CD99L2: variants seen among roughly 807,000 people sequenced by gnomAD.
CD99L2 encodes the protein CD99 molecule like 2.
Under a neutral mutation model 27.3 loss-of-function variants are expected in CD99L2, and 24 were observed. The observed-to-expected ratio is 0.88, with a 90% CI of 0.64 to 1.24. The LOEUF is 1.24. Ranked by LOEUF, CD99L2 falls within the 50% of genes most tolerant of loss-of-function variation. The pLI is 0.00. For missense variants in CD99L2, 255 were observed against 221.6 expected (o/e 1.15, Z -0.96); for synonymous variants, 97 against 87.9 (o/e 1.10, Z -0.58).
At chrX:150,794,518 G>A (rs782156012) in intron 6 of CD99L2, among the ~76,000 whole-genome samples, 10 of 112,255 alleles carry the variant, frequency 8.9e-5, no homozygotes, top group East Asian at 5.6e-4. Context: ...ATTTATGAAC[G>A]GGTAAAAGGT....
chrX:150,824,703 AAGAG>A (rs1557420876), intron 2 of CD99L2, among the ~76,000 whole-genome samples: 155 of 91,906 alleles, frequency 1.7e-3, no homozygotes, highest in African/African-American at 6.3e-3. Flanking sequence ...GAGGAAGAGG[AAGAG>A]GAAGAAGAAG....
At chrX:150,891,058 G>A (rs2047504981) in intron 1 of CD99L2, among the ~76,000 whole-genome samples, 1 of 112,824 alleles carries the variant, frequency 8.9e-6, no homozygotes, top group Admixed American at 9.4e-5. Context: ...ATTTTAAAAT[G>A]CTGAACTTAG....
intron 1 of CD99L2, among the ~76,000 whole-genome samples, chrX:150,869,179 T>G (rs1386381672): frequency 8.9e-6 from 1 of 111,902 alleles, no homozygotes; most frequent in Non-Finnish European, 1.9e-5. Flanking sequence ...CAAAGGAACC[T>G]CCTGGAAATC....
At chrX:150,863,464 A>T (rs2047010176) in intron 1 of CD99L2, among the ~76,000 whole-genome samples, 1 of 112,484 alleles carries the variant, frequency 8.9e-6, no homozygotes, top group African/African-American at 3.2e-5. Context: ...ACAAGAATTC[A>T]TTTGCCATCT....
At chrX:150,827,023 T>C (rs1280905487) in intron 2 of CD99L2, among the ~76,000 whole-genome samples, 1 of 111,543 alleles carries the variant, frequency 9.0e-6, no homozygotes, top group Non-Finnish European at 1.9e-5. Context: ...TTAGGTACTG[T>C]ATGTCTCCTT....
chrX:150,787,356 G>A (rs2045610187), intron 7 of CD99L2, among the ~76,000 whole-genome samples: 1 of 111,178 alleles, frequency 9.0e-6, no homozygotes, highest in Non-Finnish European at 1.9e-5. Flanking sequence ...CATAGATTTG[G>A]GTTTTACATT....
rs1331634323 is a variant in CD99L2, at chrX:150,777,492, A to C, written c.497-10T>G. 2 of 1,208,694 alleles carry C rather than the reference A, an allele frequency of 1.7e-6. No homozygotes were observed. Among genetic ancestry groups the C allele is most frequent in the African/African-American group, 3.5e-5 (2 of 57,246 alleles). On this transcript the variant is annotated splice_polypyrimidine_tract_variant and intron_variant, in intron 7 of 10. Transcript: ENST00000370377. The stretch of plus-strand genomic sequence containing the variant: ...CCGTACCGGCCATCACCTGAAGAAA[A>C]GACAAAAGCACTTAGTGCCAGCGAC...
intron 7 of CD99L2, among the ~76,000 whole-genome samples, chrX:150,779,568 C>T (rs1484428601): frequency 1.8e-5 from 2 of 112,512 alleles, no homozygotes; most frequent in African/African-American, 3.2e-5. Flanking sequence ...CTTTGAGCCA[C>T]GCTGGGCTAC....
intron 1 of CD99L2, among the ~76,000 whole-genome samples, chrX:150,841,058 C>T (rs2046616060): frequency 8.9e-6 from 1 of 112,031 alleles, no homozygotes; most frequent in African/African-American, 3.2e-5. Context: ...GTACCTGTTA[C>T]AGACAAATAC....
intron 1 of CD99L2, among the ~76,000 whole-genome samples, chrX:150,859,706 C>T (rs2046946257): frequency 9.2e-6 from 1 of 108,940 alleles, no homozygotes; most frequent in Non-Finnish European, 1.9e-5. Flanking sequence ...ACCATGTTGG[C>T]CAGGCTGGTC....
At chrX:150,807,670 T>A (rs978611101) in intron 4 of CD99L2, among the ~76,000 whole-genome samples, 1 of 111,788 alleles carries the variant, frequency 8.9e-6, no homozygotes, top group Non-Finnish European at 1.9e-5. Context: ...GTGTAGATTA[T>A]AAGAAAAAAA....
At chrX:150,804,742 G>A (rs1365456042) in intron 4 of CD99L2, among the ~76,000 whole-genome samples, 1 of 112,370 alleles carries the variant, frequency 8.9e-6, no homozygotes, top group Non-Finnish European at 1.9e-5. Context: ...AATGAGAAAT[G>A]AAAGAGAGGA....
chrX:150,791,859 TC>T (rs1557419714), intron 7 of CD99L2, among the ~76,000 whole-genome samples: 1 of 111,172 alleles, frequency 9.0e-6, no homozygotes, highest in Non-Finnish European at 1.9e-5. Flanking sequence ...TAAGAGGTCT[TC>T]CTGAGAAAAA....
At chrX:150,770,969 C>A (rs1257912627) in intron 9 of CD99L2, among the ~76,000 whole-genome samples, 1 of 112,637 alleles carries the variant, frequency 8.9e-6, no homozygotes, top group African/African-American at 3.2e-5. Context: ...AGTTAGTTAT[C>A]TAGGCTTTCT....
intron 7 of CD99L2, among the ~76,000 whole-genome samples, chrX:150,788,221 G>C (rs2045630765): frequency 9.0e-6 from 1 of 111,241 alleles, no homozygotes; most frequent in Non-Finnish European, 1.9e-5. Flanking sequence ...TTATCCCTAG[G>C]ATGCAAGATT....
intron 7 of CD99L2, among the ~76,000 whole-genome samples, chrX:150,792,479 A>T (rs782341153): frequency 8.9e-6 from 1 of 112,194 alleles, no homozygotes; most frequent in South Asian, 3.7e-4. Context: ...TTTAGTAGAG[A>T]TGACTCTGTC....
intron 1 of CD99L2, among the ~76,000 whole-genome samples, chrX:150,871,233 C>A (rs781900501): frequency 3.8e-4 from 42 of 111,662 alleles, no homozygotes; most frequent in Non-Finnish European, 6.4e-4. Flanking sequence ...TTACCTTCAA[C>A]CTCAAGCTGT....
intron 7 of CD99L2, among the ~76,000 whole-genome samples, chrX:150,787,888 G>GTATATATATATATATATATATATATATA (rs527795783): frequency 1.6e-5 from 1 of 63,861 alleles, no homozygotes; most frequent in African/African-American, 5.0e-5. Context: ...AGAACTTAAA[G>GTATATATATATATATATATATATATATA]TATATATATA....
At chrX:150,844,934 G>A (rs782214380) in intron 1 of CD99L2, among the ~76,000 whole-genome samples, 2 of 111,931 alleles carry the variant, frequency 1.8e-5, no homozygotes, top group South Asian at 3.7e-4. Context: ...AGATGCAAGC[G>A]CCATGTCTAA....
Sources: gnomAD v4.1 joint callset for allele counts (sites outside exome capture counted in the v4.1 genomes callset) on GRCh38, gnomAD v4.1.1 for gene constraint, MANE v1.5 for transcripts, NCBI Gene and HGNC (gene_info 2026-07-23, HGNC 2026-07-21) for gene names.